Variants in PCDHA3 observed in about 807,000 individuals in gnomAD.
The protein encoded by PCDHA3 is protocadherin alpha 3.
Under a neutral mutation model 62.2 loss-of-function variants are expected in PCDHA3, and 41 were observed. The ratio of observed to expected loss-of-function variants is 0.66; its 90% CI spans 0.51 to 0.86. The LOEUF is 0.86. Among genes scored for constraint, PCDHA3 ranks in the 40% least tolerant of loss-of-function variants. The pLI is 0.00. For synonymous variants in PCDHA3, 640 were observed against 555.4 expected (o/e 1.15, Z -2.14); for missense variants, 1,304 against 1,241.2 (o/e 1.05, Z -0.76).
chr5:141,007,416 AAATT>A (rs2098327486), intron 3 of PCDHA3, among the ~76,000 whole-genome samples: 1 of 149,348 alleles, frequency 6.7e-6, no homozygotes, highest in Non-Finnish European at 1.5e-5. Context: ...AAAAAAAAAA[AAATT>A]AGCCAGGCAT....
chr5:140,887,523 A>G (rs2061479096), intron 1 of PCDHA3, among the ~76,000 whole-genome samples: 1 of 152,078 alleles, frequency 6.6e-6, no homozygotes, highest in Non-Finnish European at 1.5e-5. Flanking sequence ...TTTATATATG[A>G]GTCTTCCTCT....
chr5:140,822,718 T>C, intron 1 of PCDHA3: 1 of 1,611,984 alleles, frequency 6.2e-7, no homozygotes, highest in South Asian at 1.1e-5. Context: ...CTATAACTCA[T>C]ATGAAATTAA....
At chr5:140,835,978 A>C in intron 1 of PCDHA3, 1 of 1,613,378 alleles carries the variant, frequency 6.2e-7, no homozygotes, top group Non-Finnish European at 8.5e-7. Context: ...GAGCTGTTGC[A>C]GTTCCAGGTG....
chr5:140,882,263 T>G (rs1554173290), intron 1 of PCDHA3: 3 of 1,604,900 alleles, frequency 1.9e-6, no homozygotes. Context: ...GTTTTTGGAG[T>G]GTACCATGCT....
chr5:140,902,894 A>G (rs1370660183), intron 1 of PCDHA3, among the ~76,000 whole-genome samples: 1 of 152,170 alleles, frequency 6.6e-6, no homozygotes, highest in Non-Finnish European at 1.5e-5. Flanking sequence ...CTATTATTTT[A>G]TTTAGTTTAT....
At chr5:140,857,576 C>T in intron 1 of PCDHA3, 1 of 1,596,780 alleles carries the variant, frequency 6.3e-7, no homozygotes, top group African/African-American at 1.3e-5. Flanking sequence ...CGTGTCGGTG[C>T]ACGCGGAGAG....
intron 1 of PCDHA3, among the ~76,000 whole-genome samples, chr5:140,977,512 G>GAAACTTGA: frequency 3.9e-5 from 6 of 152,278 alleles, no homozygotes; most frequent in Admixed American, 3.9e-4. Context: ...AGCATTTTGT[G>GAAACTTGA]AACTTGAAAA....
chr5:140,879,125 A>C (rs1251255000), intron 1 of PCDHA3, among the ~76,000 whole-genome samples: 2 of 152,244 alleles, frequency 1.3e-5, no homozygotes, highest in African/African-American at 2.4e-5. Flanking sequence ...GGATTAGAGC[A>C]GGGGAGATTG....
chr5:140,915,504 T>C (rs1554196920), intron 1 of PCDHA3, among the ~76,000 whole-genome samples: 1 of 152,136 alleles, frequency 6.6e-6, no homozygotes, highest in Non-Finnish European at 1.5e-5. Context: ...AATACTGTGG[T>C]TTTTGCAGAC....
rs571219787 is a variant in PCDHA3, at chr5:140,802,754, G to A, written c.1557G>A (p.Ala519=). The change falls in exon 1 of 4, where the codon GCG becomes GCA. Residue 519 remains alanine (A), a synonymous_variant. Transcript: ENST00000522353. ...ACGCGGAGAGCGGCAAGGTGTACGC[G>A]CTGCAGCCGCTGGACCACGAGGAGC... is the stretch of plus-strand genomic sequence containing the variant. ...SVHAESGKVY[A]LQPLDHEELE... is the part of the protein sequence containing the mutation. 24 of 1,612,526 alleles carry A rather than the reference G, an allele frequency of 1.5e-5. No homozygotes were observed. The highest frequency in any genetic ancestry group is 4.0e-5 in the African/African-American group (3 of 75,032).
At chr5:140,845,938 G>T (rs1554141077) in intron 1 of PCDHA3, among the ~76,000 whole-genome samples, 1 of 149,608 alleles carries the variant, frequency 6.7e-6, no homozygotes, top group South Asian at 2.1e-4. Flanking sequence ...ACTATCTTCT[G>T]TAAAGTCATT....
rs1015706913 is a variant in PCDHA3, at chr5:140,985,292, T to C, written c.2542+2729T>C. 2.0e-5 allele frequency among the ~76,000 whole-genome samples: 3 copies of C among 152,294 alleles called. No homozygotes were observed. The East Asian group carries it at 5.8e-4, about 29-fold the overall frequency. ...TACTTTTCTGCAATCTATGATATAG[T>C]GTTGGCTGATAGCCTGGTGGCCAGA... On this transcript the variant is annotated intron_variant, in intron 3 of 3. Transcript: ENST00000522353.
chr5:140,969,783 A>G (rs1293806015), intron 1 of PCDHA3, among the ~76,000 whole-genome samples: 1 of 152,228 alleles, frequency 6.6e-6, no homozygotes, highest in Non-Finnish European at 1.5e-5. Context: ...GGGCTATCAT[A>G]GTCACCACTA....
intron 1 of PCDHA3, chr5:140,814,827 C>A (rs2126659222): frequency 6.6e-6 from 1 of 152,166 alleles, no homozygotes; most frequent in Non-Finnish European, 1.5e-5. Context: ...CTATCTATTT[C>A]TCCATTTCTG....
intron 1 of PCDHA3, chr5:140,835,300 G>C: frequency 6.2e-7 from 1 of 1,612,792 alleles, no homozygotes; most frequent in East Asian, 2.2e-5. Context: ...ACAGTGATAG[G>C]ACATATGGAT....
At position 140,856,052 on chromosome 5, in the gene PCDHA3, G is replaced by A. The variant is rs782444703; in HGVS notation, c.2394+52461G>A. 5.7e-6 allele frequency: 9 copies of A among 1,585,062 alleles called. 1 individual carries two copies. Among genetic ancestry groups the A allele is most frequent in the African/African-American group, 5.4e-5 (4 of 73,974 alleles). On this transcript the variant is annotated intron_variant, in intron 1 of 3. Coordinates refer to ENST00000522353, the MANE Select transcript of PCDHA3 (RefSeq NM_018906.3). The stretch of plus-strand genomic sequence containing the variant: ...TGTAAAACAAGAGAAGGATAAGATG[G>A]TTTCCAGATGTAGCTGCCTGGGGGT...
At chr5:140,840,420 G>T (rs1446278635) in intron 1 of PCDHA3, among the ~76,000 whole-genome samples, 1 of 151,882 alleles carries the variant, frequency 6.6e-6, no homozygotes, top group Non-Finnish European at 1.5e-5. Context: ...CAAATAATAG[G>T]CTAGTTTAAA....
rs911070094 is a variant in PCDHA3, at chr5:141,009,570, G to A, written c.2543-57G>A. On this transcript the variant is annotated intron_variant, in intron 3 of 3. Coordinates refer to ENST00000522353, the MANE Select transcript of PCDHA3 (RefSeq NM_018906.3). ...AGTACTCCTGTACTCTACCAGCAGT[G>A]TGGCATCAAGAGCATGTGTTGACCC... The A allele has an allele frequency of 1.9e-6, 3 of 1,577,968 alleles. No homozygotes were observed. In the Admixed American group the frequency reaches 5.2e-5, roughly 28 times the overall value.
At chr5:140,876,671 C>A in intron 1 of PCDHA3, 1 of 1,614,212 alleles carries the variant, frequency 6.2e-7, no homozygotes, top group African/African-American at 1.3e-5. Flanking sequence ...CTGGTGTCCA[C>A]CTACAAGAAT....
Sources: allele counts gnomAD v4.1 joint callset (sites outside exome capture counted in the v4.1 genomes callset), GRCh38; gene constraint gnomAD v4.1.1; transcripts MANE v1.5; gene names NCBI Gene and HGNC (gene_info 2026-07-23, HGNC 2026-07-21).